Variants in PLA2G4A observed in about 807,000 individuals in gnomAD.
The protein encoded by PLA2G4A is phospholipase A2 group IVA, also known as cytosolic phospholipase A2.
PLA2G4A carries 40 observed loss-of-function variants against 81.9 expected under a neutral mutation model. The observed-to-expected ratio is 0.49, with a 90% CI of 0.38 to 0.64. PLA2G4A has a LOEUF of 0.64. PLA2G4A is among the 30% of genes least tolerant of loss of function. The probability of loss-of-function intolerance (pLI) is 0.00; values close to 1 mark genes in which losing one functional copy is unlikely to be tolerated. For missense variants in PLA2G4A, 715 were observed against 905.1 expected, an observed-to-expected ratio of 0.79 and a Z score of 2.69; for synonymous variants, 302 against 296.9, an observed-to-expected ratio of 1.02 and a Z score of -0.18.
intron 1 of PLA2G4A, among the ~76,000 whole-genome samples, chr1:186,842,987 GA>G (rs1384920147): frequency 6.6e-6 from 1 of 152,184 alleles, no homozygotes; most frequent in African/African-American, 2.4e-5. Flanking sequence ...AAATGACATA[GA>G]AAGGGGATTC....
At position 186,907,145 on chromosome 1, in the gene PLA2G4A, G is replaced by T. The variant is rs977364726; in HGVS notation, c.416+143G>T. On this transcript the variant is annotated intron_variant, in intron 6 of 17. Transcript: ENST00000367466. The stretch of plus-strand genomic sequence containing the variant: ...ATGTTTACTTTGCTTTTCTTTAGTT[G>T]TCTGTTAATACCTACAAAATCTTTA... 3.3e-5 allele frequency: 20 copies of T among 608,078 alleles called. No individual in the cohort carries two copies. The African/African-American group carries it at 3.5e-4, about 11-fold the overall frequency. The allele number at this position is 608,078 out of a possible 1,614,324, so 37.7% of individuals were successfully genotyped here.
chr1:186,878,666 C>T (rs914339857), intron 3 of PLA2G4A, among the ~76,000 whole-genome samples: 7 of 151,762 alleles, frequency 4.6e-5, no homozygotes, highest in Non-Finnish European at 1.0e-4. Flanking sequence ...AGGTAGTTTA[C>T]GAAGTTGTTA....
intron 2 of PLA2G4A, among the ~76,000 whole-genome samples, chr1:186,858,905 C>G (rs1338925664): frequency 6.6e-6 from 1 of 150,444 alleles, no homozygotes; most frequent in African/African-American, 2.5e-5. Context: ...AAAAAACCAA[C>G]TGTGGGTGTG....
chr1:186,885,052 C>T (rs1278686124), intron 3 of PLA2G4A, among the ~76,000 whole-genome samples: 4 of 152,026 alleles, frequency 2.6e-5, no homozygotes, highest in Admixed American at 6.6e-5. Flanking sequence ...GCTTTGTCAA[C>T]CTCAAAGGAC....
At chr1:186,861,109 G>A (rs1652780549) in intron 2 of PLA2G4A, among the ~76,000 whole-genome samples, 1 of 151,768 alleles carries the variant, frequency 6.6e-6, no homozygotes, top group Admixed American at 6.6e-5. Context: ...ATTTGCTTCC[G>A]TCAGGCCCCT....
At chr1:186,831,511 A>G (rs1292792586) in intron 1 of PLA2G4A, among the ~76,000 whole-genome samples, 1 of 152,204 alleles carries the variant, frequency 6.6e-6, no homozygotes, top group Non-Finnish European at 1.5e-5. Context: ...TAAGTGAAAC[A>G]TAATAAGAAA....
At chr1:186,865,133 G>A (rs1168206989) in intron 2 of PLA2G4A, among the ~76,000 whole-genome samples, 1 of 149,584 alleles carries the variant, frequency 6.7e-6, no homozygotes, top group Non-Finnish European at 1.5e-5. Context: ...CAAACTTAAT[G>A]TATATACTTG....
intron 15 of PLA2G4A, among the ~76,000 whole-genome samples, chr1:186,967,850 G>T (rs747650494): frequency 3.9e-5 from 6 of 152,038 alleles, no homozygotes; most frequent in Admixed American, 1.3e-4. Flanking sequence ...ATCAGTGGAG[G>T]ATTTCAGCAG....
chr1:186,843,785 C>T (rs1652071742), intron 1 of PLA2G4A, among the ~76,000 whole-genome samples: 1 of 152,136 alleles, frequency 6.6e-6, no homozygotes, highest in African/African-American at 2.4e-5. Context: ...GTTTCCACTT[C>T]CTCTTACTAT....
intron 3 of PLA2G4A, among the ~76,000 whole-genome samples, chr1:186,872,442 T>G (rs542508377): frequency 6.6e-6 from 1 of 152,126 alleles, no homozygotes; most frequent in African/African-American, 2.4e-5. Context: ...TTGTCAGGCA[T>G]GCAAAAGACA....
intron 3 of PLA2G4A, among the ~76,000 whole-genome samples, chr1:186,877,307 C>A (rs1653538705): frequency 6.6e-6 from 1 of 151,944 alleles, no homozygotes; most frequent in Non-Finnish European, 1.5e-5. Flanking sequence ...ACTTATATGC[C>A]TAACACACAG....
intron 8 of PLA2G4A, among the ~76,000 whole-genome samples, chr1:186,937,170 A>G (rs1023315801): frequency 4.6e-5 from 7 of 151,830 alleles, no homozygotes; most frequent in Admixed American, 1.3e-4. Context: ...CATTAATCCA[A>G]TGCCAATGGT....
At chr1:186,889,808 A>C in intron 3 of PLA2G4A, among the ~76,000 whole-genome samples, 1 of 150,406 alleles carries the variant, frequency 6.6e-6, no homozygotes. Context: ...TCCCTCCCTC[A>C]CTCTTGCACT....
At chr1:186,950,597 A>C in intron 12 of PLA2G4A, 60 bp from the exon 13 acceptor site, 1 of 903,520 alleles carries the variant, frequency 1.1e-6, no homozygotes, top group Non-Finnish European at 1.9e-6. Flanking sequence ...TTTTTATATT[A>C]AAATTAATTG....
intron 8 of PLA2G4A, among the ~76,000 whole-genome samples, chr1:186,935,887 G>A (rs1241504002): frequency 1.3e-5 from 2 of 151,922 alleles, no homozygotes; most frequent in Non-Finnish European, 2.9e-5. Context: ...AGAATTTTAG[G>A]TAGGACAAAG....
Position 186,932,918 on chromosome 1 carries a change from T to A in PLA2G4A, c.695+19T>A. 6.3e-7 allele frequency: 1 copy of A among 1,575,272 alleles called. No homozygotes were observed. The highest frequency in any genetic ancestry group is 8.7e-7 in the Non-Finnish European group (1 of 1,145,098). ...CCACCTGGTTAGTATACATTTTTAA[T>A]TTTAGTTTTATAACTTTAAATATTT... is the stretch of plus-strand genomic sequence containing the variant. On this transcript the variant is annotated intron_variant, in intron 8 of 17. Transcript: ENST00000367466.
At chr1:186,882,694 GAAGGA>G (rs925205888) in intron 3 of PLA2G4A, among the ~76,000 whole-genome samples, 30 of 152,242 alleles carry the variant, frequency 2.0e-4, no homozygotes, top group African/African-American at 7.2e-4. Context: ...GTGTGTTTCA[GAAGGA>G]TAGTTGTGGT....
intron 17 of PLA2G4A, among the ~76,000 whole-genome samples, chr1:186,983,047 G>A (rs1282175002): frequency 1.4e-5 from 2 of 146,984 alleles, no homozygotes; most frequent in Non-Finnish European, 3.0e-5. Context: ...TCGCACCATT[G>A]CACTTCAGCC....
At chr1:186,909,481 A>G (rs956310738) in intron 6 of PLA2G4A, among the ~76,000 whole-genome samples, 1 of 151,000 alleles carries the variant, frequency 6.6e-6, no homozygotes, top group Non-Finnish European at 1.5e-5. Context: ...ACCAACATGG[A>G]GAAACCCTGT....
Sources: gnomAD v4.1 joint callset for allele counts (sites outside exome capture counted in the v4.1 genomes callset) on GRCh38, gnomAD v4.1.1 for gene constraint, MANE v1.5 for transcripts, NCBI Gene and HGNC (gene_info 2026-07-23, HGNC 2026-07-21) for gene names.